The following SNTG1 variants were observed in gnomAD, a reference collection of about 807,000 sequenced individuals.
SNTG1 encodes syntrophin gamma 1, also known as gamma-1-syntrophin.
Under a neutral mutation model 74.7 loss-of-function variants are expected in SNTG1, and 39 were observed. The observed-to-expected ratio is 0.52, with a 90% CI of 0.40 to 0.68. The LOEUF (loss-of-function observed/expected upper bound fraction) is 0.68. SNTG1 is among the 30% of genes least tolerant of loss of function. SNTG1 has a pLI of 0.00. For synonymous variants in SNTG1, 254 were observed against 217.1 expected, an observed-to-expected ratio of 1.17 and a Z score of -1.49; for missense variants, 685 against 609.5, an observed-to-expected ratio of 1.12 and a Z score of -1.30.
intron 12 of SNTG1, among the ~76,000 whole-genome samples, chr8:50,579,201 G>A (rs958723505): frequency 2.6e-5 from 4 of 152,168 alleles, no homozygotes; most frequent in African/African-American, 9.7e-5. Context: ...CTGGAGTAAA[G>A]GTCACTCTTG....
At chr8:50,093,289 C>A (rs2079807635) in intron 1 of SNTG1, among the ~76,000 whole-genome samples, 1 of 152,068 alleles carries the variant, frequency 6.6e-6, no homozygotes, top group Non-Finnish European at 1.5e-5. Flanking sequence ...TACAATCTTA[C>A]TGAGATATAA....
intron 17 of SNTG1, among the ~76,000 whole-genome samples, chr8:50,720,086 C>T (rs2095484191): frequency 6.6e-6 from 1 of 152,156 alleles, no homozygotes; most frequent in African/African-American, 2.4e-5. Context: ...CATTCCTGTT[C>T]TATTATGTCC....
intron 2 of SNTG1, among the ~76,000 whole-genome samples, chr8:50,374,523 C>A (rs10104566): frequency 0.018 from 2,766 of 152,196 alleles, 80 homozygotes; most frequent in African/African-American, 0.064. Context: ...ATTTTCTGTC[C>A]TTTCTGTTTT....
chr8:50,416,647 T>C (rs769651259), intron 4 of SNTG1, among the ~76,000 whole-genome samples: 1 of 152,174 alleles, frequency 6.6e-6, no homozygotes, highest in Non-Finnish European at 1.5e-5. Flanking sequence ...GATAGATTAC[T>C]TAAAATGTTT....
At chr8:50,630,993 GA>G in intron 13 of SNTG1, among the ~76,000 whole-genome samples, 1 of 152,332 alleles carries the variant, frequency 6.6e-6, no homozygotes, top group African/African-American at 2.4e-5. Context: ...TATCCAGGGA[GA>G]AAGCTTCCTA....
chr8:50,012,485 A>G (rs899643847), intron 1 of SNTG1, among the ~76,000 whole-genome samples: 1 of 152,200 alleles, frequency 6.6e-6, no homozygotes, highest in African/African-American at 2.4e-5. Context: ...CAGAGGTTAG[A>G]TATTGGCTGT....
intron 1 of SNTG1, among the ~76,000 whole-genome samples, chr8:49,944,806 A>G (rs76616638): frequency 6.6e-6 from 1 of 151,582 alleles, no homozygotes; most frequent in Non-Finnish European, 1.5e-5. Flanking sequence ...AAAAAAAAAA[A>G]AGATGGAGTT....
At chr8:50,167,957 G>A (rs2082684893) in intron 1 of SNTG1, among the ~76,000 whole-genome samples, 1 of 151,818 alleles carries the variant, frequency 6.6e-6, no homozygotes. Context: ...AATTACCTTA[G>A]ATAAGTATTA....
intron 13 of SNTG1, among the ~76,000 whole-genome samples, chr8:50,634,515 C>T (rs2095026109): frequency 6.6e-6 from 1 of 152,166 alleles, no homozygotes; most frequent in Non-Finnish European, 1.5e-5. Context: ...TGTACATTTA[C>T]ATGCAGTTCT....
intron 1 of SNTG1, among the ~76,000 whole-genome samples, chr8:49,953,093 T>A (rs11773979): frequency 0.64 from 96,796 of 152,080 alleles, 34,643 homozygotes; most frequent in East Asian, 0.86. Flanking sequence ...AGGTGAGATT[T>A]ATATTTATAA....
intron 13 of SNTG1, among the ~76,000 whole-genome samples, chr8:50,631,843 G>A (rs1354981924): frequency 6.6e-6 from 1 of 152,210 alleles, no homozygotes; most frequent in Non-Finnish European, 1.5e-5. Context: ...ACGCTCTGTA[G>A]TGCAGACACT....
At chr8:50,474,064 T>A (rs928727015) in intron 8 of SNTG1, among the ~76,000 whole-genome samples, 4 of 152,062 alleles carry the variant, frequency 2.6e-5, no homozygotes, top group African/African-American at 9.7e-5. Context: ...ATTGTGAATG[T>A]TTGTTGCACA....
intron 18 of SNTG1, among the ~76,000 whole-genome samples, chr8:50,772,264 ACCTTAGAACACAC>A (rs1357896903): frequency 2.0e-5 from 3 of 152,112 alleles, no homozygotes; most frequent in Non-Finnish European, 1.5e-5. Flanking sequence ...ACTGCCCAAG[ACCTTAGAACACAC>A]CCTTCACAAC....
At chr8:50,447,126 G>A (rs1563399033) in intron 5 of SNTG1, among the ~76,000 whole-genome samples, 1 of 152,162 alleles carries the variant, frequency 6.6e-6, no homozygotes, top group Non-Finnish European at 1.5e-5. Flanking sequence ...TGCTGTACAA[G>A]TCTGGGTGTT....
At chr8:50,131,549 C>T (rs770458719) in intron 1 of SNTG1, among the ~76,000 whole-genome samples, 6 of 152,060 alleles carry the variant, frequency 3.9e-5, no homozygotes, top group Non-Finnish European at 7.4e-5. Flanking sequence ...TATGTGTACA[C>T]ACACACACAG....
chr8:50,284,054 G>A (rs1265421170), intron 2 of SNTG1, among the ~76,000 whole-genome samples: 2 of 151,944 alleles, frequency 1.3e-5, no homozygotes, highest in Non-Finnish European at 2.9e-5. Flanking sequence ...ATGCCTTCCA[G>A]GATAACACAT....
At chr8:50,591,322 A>T (rs2094690494) in intron 13 of SNTG1, among the ~76,000 whole-genome samples, 1 of 152,142 alleles carries the variant, frequency 6.6e-6, no homozygotes. Context: ...TAATGCATAG[A>T]ACAAAAATAA....
chr8:50,001,778 C>A (rs762505093), intron 1 of SNTG1, among the ~76,000 whole-genome samples: 5 of 152,134 alleles, frequency 3.3e-5, no homozygotes, highest in Non-Finnish European at 7.4e-5. Flanking sequence ...GACCTCATAG[C>A]TTGTTCAAGG....
chr8:49,974,657 A>G (rs1047108139), intron 1 of SNTG1, among the ~76,000 whole-genome samples: 3 of 152,102 alleles, frequency 2.0e-5, no homozygotes, highest in African/African-American at 7.2e-5. Flanking sequence ...CCCTACATCA[A>G]CTGTAAAATG....
Sources: gnomAD v4.1 joint callset for allele counts (sites outside exome capture counted in the v4.1 genomes callset) on GRCh38, gnomAD v4.1.1 for gene constraint, MANE v1.5 for transcripts, NCBI Gene and HGNC (gene_info 2026-07-23, HGNC 2026-07-21) for gene names.